The following PRORP variants were observed in gnomAD, a reference collection of about 807,000 sequenced individuals.
The protein encoded by PRORP is mitochondrial ribonuclease P catalytic subunit.
In PRORP, 51 loss-of-function variants were observed where a neutral mutation model predicts 59.4. The observed-to-expected ratio is 0.86, with a 90% CI of 0.69 to 1.08. The LOEUF is 1.08. Ranked by LOEUF, PRORP falls within the 50% of genes least tolerant of loss-of-function variation. The pLI is 0.00. For missense variants in PRORP, 646 were observed against 690.3 expected (o/e 0.94, Z 0.72); for synonymous variants, 231 against 245.6 (o/e 0.94, Z 0.55).
Position 35,273,514 on chromosome 14 carries a change from G to A in PRORP, c.1700G>A (p.Arg567Lys). 1 of 1,613,860 alleles carries A rather than the reference G, an allele frequency of 6.2e-7. No homozygotes were observed. Among genetic ancestry groups the A allele is most frequent in the South Asian group, 1.1e-5 (1 of 91,012 alleles). ...CCATATGATGAAGACTTGGTAGAAA[G>A]ATGTTCCTGTGAAGTACCAACCAAA... ...HIPYDEDLVE[R>K]CSCEVPTKWL... is the part of the protein sequence containing the mutation. Residue 567 changes from arginine (R) to lysine (K), a missense_variant, in exon 8 of 8, where the codon AGA (arginine) becomes AAA (lysine). Coordinates refer to ENST00000534898, the MANE Select transcript of PRORP (RefSeq NM_014672.4).
chr14:35,196,792 GAC>G (rs1181171885), intron 5 of PRORP, among the ~76,000 whole-genome samples: 6 of 152,162 alleles, frequency 3.9e-5, no homozygotes, highest in Admixed American at 2.0e-4. Flanking sequence ...CTCCTGCCTT[GAC>G]ATGTGTTAAG....
chr14:35,126,304 G>A (rs1260088164), intron 2 of PRORP, among the ~76,000 whole-genome samples: 1 of 152,158 alleles, frequency 6.6e-6, no homozygotes, highest in Non-Finnish European at 1.5e-5. Flanking sequence ...TAGGCATTGC[G>A]AGTGTTTTAT....
intron 5 of PRORP, among the ~76,000 whole-genome samples, chr14:35,234,955 A>G (rs185975220): frequency 6.6e-6 from 1 of 152,188 alleles, no homozygotes; most frequent in East Asian, 1.9e-4. Flanking sequence ...AAGTGCTGGG[A>G]TTACAGGCAT....
intron 4 of PRORP, among the ~76,000 whole-genome samples, chr14:35,148,365 G>A (rs2047661331): frequency 6.6e-6 from 1 of 152,176 alleles, no homozygotes; most frequent in Non-Finnish European, 1.5e-5. Context: ...ATCTCCATAA[G>A]AGCTCTTGGG....
chr14:35,158,683 G>A (rs966778944), intron 4 of PRORP: 1 of 402,612 alleles, frequency 2.5e-6, no homozygotes. Context: ...TACTATCAAT[G>A]TAGTTGATGA....
At chr14:35,163,408 C>A (rs546850272) in intron 4 of PRORP, among the ~76,000 whole-genome samples, 4 of 152,008 alleles carry the variant, frequency 2.6e-5, no homozygotes, top group Non-Finnish European at 2.9e-5. Context: ...GGTGTTGTGA[C>A]CTGCAGTTAA....
intron 5 of PRORP, among the ~76,000 whole-genome samples, chr14:35,181,988 G>A (rs2048622646): frequency 6.6e-6 from 1 of 152,092 alleles, no homozygotes; most frequent in South Asian, 2.1e-4. Context: ...TGTAGGCCAG[G>A]CATGGTGGGT....
intron 4 of PRORP, 59 bp downstream of exon 4, chr14:35,127,670 T>C (rs1566442280): frequency 6.3e-7 from 1 of 1,587,442 alleles, no homozygotes; most frequent in Non-Finnish European, 8.6e-7. Context: ...GGGTTAGCAA[T>C]TTTTGTAAAA....
At chr14:35,255,500 T>C (rs2050728965) in intron 5 of PRORP, among the ~76,000 whole-genome samples, 1 of 152,292 alleles carries the variant, frequency 6.6e-6, no homozygotes, top group East Asian at 1.9e-4. Flanking sequence ...AGGTTCTTCT[T>C]AATCTTTGAT....
chr14:35,123,656 G>A lies in PRORP; in HGVS notation c.411G>A (p.Lys137=). ...AAGATTTAAAAGAAAACACCGGAAA[G>A]ACCAGTTTCGAAAGTTGGATCATTT... ...LKEDLKENTG[K]TSFESWIISQ... Residue 137 remains lysine (K), a synonymous_variant, in exon 2 of 8, where the codon AAG becomes AAA. Transcript: ENST00000534898. The A allele has an allele frequency of 1.2e-6, 2 of 1,614,202 alleles. No homozygotes were observed. Among genetic ancestry groups the A allele is most frequent in the Non-Finnish European group, 1.7e-6 (2 of 1,180,052 alleles).
intron 5 of PRORP, among the ~76,000 whole-genome samples, chr14:35,228,033 C>G (rs2049980253): frequency 2.0e-5 from 3 of 152,124 alleles, no homozygotes; most frequent in African/African-American, 7.2e-5. Context: ...GTCCCAGCTA[C>G]TTGGGAGGCT....
intron 4 of PRORP, among the ~76,000 whole-genome samples, chr14:35,141,123 A>G (rs1271179832): frequency 6.8e-6 from 1 of 146,124 alleles, no homozygotes; most frequent in African/African-American, 2.4e-5. Flanking sequence ...TGATTTAACT[A>G]CTGACACTAA....
chr14:35,139,791 C>G (rs79137242), intron 4 of PRORP, among the ~76,000 whole-genome samples: 3,088 of 145,934 alleles, frequency 0.021, 212 homozygotes, highest in African/African-American at 0.072. Flanking sequence ...TACTCTCTCA[C>G]AATTCTGGAG....
chr14:35,127,430 ACATTATTCG>A, intron 3 of PRORP, 40 bp from the exon 4 acceptor site: 1 of 1,375,494 alleles, frequency 7.3e-7, no homozygotes, highest in Non-Finnish European at 9.6e-7. Context: ...TTTCCCCAGA[ACATTATTCG>A]ACATATTTAA....
intron 5 of PRORP, among the ~76,000 whole-genome samples, chr14:35,201,571 TA>T (rs75329967): frequency 2.0e-5 from 3 of 151,072 alleles, no homozygotes; most frequent in Admixed American, 6.6e-5. Flanking sequence ...GTTTCTTTAT[TA>T]TTTTTTTTTA....
intron 5 of PRORP, among the ~76,000 whole-genome samples, chr14:35,204,705 G>A (rs1032351113): frequency 1.1e-4 from 16 of 151,986 alleles, no homozygotes; most frequent in Non-Finnish European, 1.5e-4. Context: ...TCATTGTACC[G>A]GTAACTCTAT....
intron 5 of PRORP, among the ~76,000 whole-genome samples, chr14:35,210,750 CTTTTTTTTTT>C (rs71435870): frequency 3.3e-3 from 112 of 34,084 alleles, no homozygotes; most frequent in Non-Finnish European, 4.9e-3. Context: ...TTTCTTTTGC[CTTTTTTTTTT>C]TTTTTTTTTT....
intron 5 of PRORP, among the ~76,000 whole-genome samples, chr14:35,223,748 T>G (rs1267213399): frequency 6.6e-6 from 1 of 152,204 alleles, no homozygotes; most frequent in Non-Finnish European, 1.5e-5. Flanking sequence ...CGTGAGCCAC[T>G]GCACCTGGCC....
In PRORP at chr14:35,275,219, A is replaced by G. The variant is rs144997714; in HGVS notation, c.*1653A>G. 2.0e-4 allele frequency: 31 copies of G among 152,342 alleles called. No individual in the cohort carries two copies. In the East Asian group the frequency reaches 5.6e-3, roughly 27 times the overall value. The allele number at this position is 152,342 out of a possible 1,614,324, so 9.4% of individuals were successfully genotyped here. On this transcript the variant is annotated 3_prime_UTR_variant, in exon 8 of 8. Transcript: ENST00000534898. ...TTGATATATTTACATTTATGACAAT[A>G]TACCTCAAAGTAAGTTAGGGTAAGA...
Sources: allele counts gnomAD v4.1 joint callset (sites outside exome capture counted in the v4.1 genomes callset), GRCh38; gene constraint gnomAD v4.1.1; transcripts MANE v1.5; gene names NCBI Gene and HGNC (gene_info 2026-07-23, HGNC 2026-07-21).